The following CABP5 variants were observed in gnomAD, a reference collection of about 807,000 sequenced individuals.
CABP5 encodes calcium binding protein 5.
A neutral mutation model predicts 21.9 loss-of-function variants in CABP5; 17 were observed. That is an observed-to-expected ratio of 0.78 (90% CI 0.53 to 1.17). CABP5 has a LOEUF of 1.17. Ranked by LOEUF, CABP5 falls within the 50% of genes most tolerant of loss-of-function variation. CABP5 has a pLI of 0.00. For missense variants in CABP5, 229 were observed against 228.9 expected, an observed-to-expected ratio of 1.00 and a Z score of 0.00; for synonymous variants, 85 against 79.4, an observed-to-expected ratio of 1.07 and a Z score of -0.37.
At chr19:48,032,640 T>C (rs76944199) in intron 5 of CABP5, among the ~76,000 whole-genome samples, 11 of 97,976 alleles carry the variant, frequency 1.1e-4, no homozygotes, top group Admixed American at 2.1e-4. Flanking sequence ...TTTTTCTTTT[T>C]TTCTTTTTTT....
intron 4 of CABP5, among the ~76,000 whole-genome samples, chr19:48,037,412 G>T (rs556264124): frequency 3.2e-4 from 49 of 151,532 alleles, no homozygotes; most frequent in African/African-American, 2.4e-5. Flanking sequence ...GGGATTACAC[G>T]CATGTACCAC....
chr19:48,041,481 TAATGGAATTTATACGGA>T, intron 2 of CABP5, 75 bp downstream of exon 2: 3 of 1,199,738 alleles, frequency 2.5e-6, no homozygotes, highest in Non-Finnish European at 3.6e-6. Context: ...AAATTCCATG[TAATGGAATTTATACGGA>T]AATGCACAAA....
At position 48,034,307 on chromosome 19, in the gene CABP5, T is replaced by C. The variant is rs573372738; in HGVS notation, c.404A>G (p.Gln135Arg). Reference protein sequence around the residue: ...ITLVELQQAMQRLLGERLTPR... With the variant: ...ITLVELQQAMRRLLGERLTPR... Reference sequence around the variant, plus strand: ...GGTGAGCCGCTCCCCCAGGAGTCTCTGCATGGCCTGCTGTAGCTCCACCAG... The same window carrying C: ...GGTGAGCCGCTCCCCCAGGAGTCTCCGCATGGCCTGCTGTAGCTCCACCAG... Residue 135 changes from glutamine (Q) to arginine (R), a missense_variant, in exon 5 of 6, where the codon CAG becomes CGG. Gln to Arg is a conservative substitution (Grantham distance 43, BLOSUM62 1). Transcript: ENST00000293255. The C allele has an allele frequency of 1.2e-5, 20 of 1,609,004 alleles. No homozygotes were observed. The South Asian group carries it at 1.9e-4, about 15-fold the overall frequency.
rs372942092 is a variant in CABP5, at chr19:48,039,241, G to T, written c.315C>A (p.Ile105=). The T allele has an allele frequency of 6.2e-7, 1 of 1,613,972 alleles. No individual in the cohort carries two copies. The highest frequency in any genetic ancestry group is 2.2e-5 in the East Asian group (1 of 44,874). Residue 105 remains isoleucine (I), a synonymous_variant, in exon 4 of 6, where the codon ATC becomes ATA. Transcript: ENST00000293255. ...PKLLAETAGM[I]GVQEMRDAFK... ...AGGCATCCCGCATCTCCTGGACACC[G>T]ATCATCCCAGCTGTTTCTGCAAGCA...
chr19:48,040,478 T>C, intron 3 of CABP5, 127 bp downstream of exon 3: 2 of 946,872 alleles, frequency 2.1e-6, no homozygotes, highest in Non-Finnish European at 3.1e-6. Flanking sequence ...ACCTGTTTTC[T>C]TCCAGACTTC....
At chr19:48,032,035 G>C (rs1055688699) in intron 5 of CABP5, among the ~76,000 whole-genome samples, 1 of 151,770 alleles carries the variant, frequency 6.6e-6, no homozygotes, top group Non-Finnish European at 1.5e-5. Flanking sequence ...TCCATGGAGA[G>C]GAACAGAAAA....
Position 48,043,843 on chromosome 19 carries a change from C to T in CABP5, c.63+17G>A, listed in dbSNP as rs369364822. On this transcript the variant is annotated intron_variant, in intron 1 of 5. Transcript: ENST00000293255. ...TTTGCCCCGCCCACCGCCCTTCCCC[C>T]TCACTCCCCACCTCACCCGCTGTTT... 21 of 1,497,044 alleles carry T rather than the reference C, an allele frequency of 1.4e-5. No individual in the cohort carries two copies. The African/African-American group carries it at 2.2e-4, about 16-fold the overall frequency. The allele number at this position is 1,497,044 out of a possible 1,614,324, so 92.7% of individuals were successfully genotyped here.
intron 4 of CABP5, among the ~76,000 whole-genome samples, chr19:48,036,010 A>G (rs576491311): frequency 6.6e-6 from 1 of 152,148 alleles, no homozygotes; most frequent in Non-Finnish European, 1.5e-5. Flanking sequence ...AACCAATTAG[A>G]GGGCCGCCAT....
intron 1 of CABP5, among the ~76,000 whole-genome samples, chr19:48,042,685 C>T (rs1967497081): frequency 6.6e-6 from 1 of 151,940 alleles, no homozygotes; most frequent in East Asian, 1.9e-4. Flanking sequence ...AGCGATTCTC[C>T]TGCCTCAGCC....
In CABP5 at chr19:48,035,177, C is replaced by A. The variant is rs578064503; in HGVS notation, c.349-815G>T. On this transcript the variant is annotated intron_variant, in intron 4 of 5. Coordinates refer to ENST00000293255, the MANE Select transcript of CABP5 (RefSeq NM_019855.5). ...ACCTTTCTTTTTATTTGCATGAGTT[C>A]AATTTTTTAAGATTCTGCATGTAAC... Among the ~76,000 whole-genome samples the A allele has an allele frequency of 3.3e-5, 5 of 152,236 alleles. No individual in the cohort carries two copies. In the South Asian group the frequency reaches 8.3e-4, roughly 25 times the overall value.
chr19:48,033,219 G>C (rs1197233414), intron 5 of CABP5, among the ~76,000 whole-genome samples: 2 of 151,974 alleles, frequency 1.3e-5, no homozygotes, highest in African/African-American at 4.8e-5. Flanking sequence ...GGCCAGGCTG[G>C]TCTCAAACTA....
chr19:48,038,390 C>T (rs1048036728), intron 4 of CABP5, among the ~76,000 whole-genome samples: 1 of 152,182 alleles, frequency 6.6e-6, no homozygotes, highest in African/African-American at 2.4e-5. Flanking sequence ...GGTATTTTAT[C>T]AGGGGATATA....
intron 2 of CABP5, 72 bp from the exon 3 acceptor site, chr19:48,040,820 T>A: frequency 6.8e-7 from 1 of 1,471,834 alleles, no homozygotes; most frequent in Admixed American, 1.7e-5. Flanking sequence ...CTTGAAGCTA[T>A]CAATGAGGCT....
intron 5 of CABP5, 47 bp from the exon 6 acceptor site, chr19:48,030,629 G>A: frequency 6.3e-7 from 1 of 1,593,716 alleles, no homozygotes; most frequent in Non-Finnish European, 8.6e-7. Context: ...CGTTGTAAAA[G>A]CCCCCAACAT....
At chr19:48,038,826 C>CA (rs950781523) in intron 4 of CABP5, among the ~76,000 whole-genome samples, 48 of 141,738 alleles carry the variant, frequency 3.4e-4, no homozygotes, top group South Asian at 6.7e-4. Context: ...AACCCCGTCT[C>CA]AAAAAAAAAA....
At chr19:48,031,755 G>A (rs11879047) in intron 5 of CABP5, among the ~76,000 whole-genome samples, 15,460 of 151,740 alleles carry the variant, frequency 0.1, 822 homozygotes, top group African/African-American at 0.12. Context: ...CTGCCCACCC[G>A]GGTCTTGAGG....
chr19:48,041,985 A>G (rs141395599), intron 1 of CABP5, among the ~76,000 whole-genome samples: 1,744 of 152,278 alleles, frequency 0.011, 35 homozygotes, highest in African/African-American at 0.037. Flanking sequence ...AGTTTCCACA[A>G]TCATTTCATT....
chr19:48,039,431 G>A (rs1967452006), intron 3 of CABP5, 114 bp from the exon 4 acceptor site: 6 of 749,128 alleles, frequency 8.0e-6, no homozygotes, highest in South Asian at 1.6e-5. Flanking sequence ...TATAAGAGCC[G>A]TCTTTGACTT....
chr19:48,034,737 G>A (rs1010910790), intron 4 of CABP5, among the ~76,000 whole-genome samples: 1 of 151,692 alleles, frequency 6.6e-6, no homozygotes, highest in Non-Finnish European at 1.5e-5. Flanking sequence ...GTAGAGACAG[G>A]GTTTCACCAT....
Sources: allele counts gnomAD v4.1 joint callset (sites outside exome capture counted in the v4.1 genomes callset), GRCh38; gene constraint gnomAD v4.1.1; transcripts MANE v1.5; gene names NCBI Gene and HGNC (gene_info 2026-07-23, HGNC 2026-07-21).